The following CNTNAP2 variants were observed in gnomAD, a reference collection of about 807,000 sequenced individuals.
The protein encoded by CNTNAP2 is contactin associated protein 2, also known as contactin-associated protein-like 2.
In CNTNAP2, 98 loss-of-function variants were observed where a neutral mutation model predicts 155.2. The observed-to-expected ratio is 0.63, with a 90% confidence interval of 0.54 to 0.75. CNTNAP2 has a LOEUF of 0.75. CNTNAP2 is among the 30% of genes least tolerant of loss of function. The pLI, the probability that CNTNAP2 is intolerant of heterozygous loss-of-function variation, is 0.00. For missense variants in CNTNAP2, 1,727 were observed against 1,688.1 expected, an observed-to-expected ratio of 1.02 and a Z score of -0.40; for synonymous variants, 651 against 631.2, an observed-to-expected ratio of 1.03 and a Z score of -0.47.
intron 1 of CNTNAP2, among the ~76,000 whole-genome samples, chr7:146,436,359 T>C (rs1458738124): frequency 6.6e-6 from 1 of 152,190 alleles, no homozygotes; most frequent in Non-Finnish European, 1.5e-5. Context: ...TGGCTATATA[T>C]GTTGCAGTGG....
intron 9 of CNTNAP2, among the ~76,000 whole-genome samples, chr7:147,373,193 G>T (rs947406090): frequency 3.9e-5 from 6 of 151,958 alleles, no homozygotes; most frequent in Non-Finnish European, 8.8e-5. Flanking sequence ...ATTTAGAGGG[G>T]CCTCACTGAG....
chr7:148,308,153 T>C (rs1488266242), intron 21 of CNTNAP2, among the ~76,000 whole-genome samples: 1 of 152,198 alleles, frequency 6.6e-6, no homozygotes, highest in East Asian at 1.9e-4. Flanking sequence ...GTTTTAATAC[T>C]AGGTTTTTCC....
chr7:146,488,908 C>T (rs1797098614), intron 1 of CNTNAP2, among the ~76,000 whole-genome samples: 1 of 152,180 alleles, frequency 6.6e-6, no homozygotes, highest in African/African-American at 2.4e-5. Flanking sequence ...GTGTGGGCCA[C>T]CACGCTAGGG....
chr7:148,280,897 C>A (rs538649036), intron 21 of CNTNAP2, among the ~76,000 whole-genome samples: 95 of 148,052 alleles, frequency 6.4e-4, no homozygotes, highest in African/African-American at 2.3e-3. Flanking sequence ...CCAGCCTGGG[C>A]AACAGAGGGA....
At chr7:147,402,528 C>A (rs1402001803) in intron 10 of CNTNAP2, among the ~76,000 whole-genome samples, 1 of 152,134 alleles carries the variant, frequency 6.6e-6, no homozygotes, top group African/African-American at 2.4e-5. Flanking sequence ...CTGGAGAAAC[C>A]CCTCAGTTCT....
chr7:147,402,135 C>T (rs826660), intron 10 of CNTNAP2, among the ~76,000 whole-genome samples: 19,454 of 152,172 alleles, frequency 0.13, 1,512 homozygotes, highest in East Asian at 0.32. Context: ...TCCTCCTTTC[C>T]GTGTATATTC....
intron 1 of CNTNAP2, among the ~76,000 whole-genome samples, chr7:146,610,794 G>T (rs986700751): frequency 8.5e-5 from 13 of 152,150 alleles, no homozygotes; most frequent in African/African-American, 2.9e-4. Context: ...ACTTTAACAC[G>T]TAAACCTATC....
In CNTNAP2 at chr7:146,490,730, T is replaced by TTTAAA. The variant is rs1388895494; in HGVS notation, c.98-283537_98-283533dup. Among the ~76,000 whole-genome samples, 13 of 152,332 alleles carry TTTAAA rather than the reference T, an allele frequency of 8.5e-5. No individual in the cohort carries two copies. The East Asian group carries it at 2.3e-3, about 27-fold the overall frequency. On this transcript the variant is annotated intron_variant, in intron 1 of 23. Coordinates refer to ENST00000361727, the MANE Select transcript of CNTNAP2 (RefSeq NM_014141.6). ...ATAAGTTCATATTTTTAGAGTTCTC[T>TTTAAA]TTAAATTATCTTTAAATTCCCAAAG...
At chr7:147,923,340 G>A (rs1270687255) in intron 14 of CNTNAP2, among the ~76,000 whole-genome samples, 1 of 152,066 alleles carries the variant, frequency 6.6e-6, no homozygotes, top group Non-Finnish European at 1.5e-5. Flanking sequence ...CACATGGAGA[G>A]GAGAATGCCA....
At position 148,358,592 on chromosome 7, in the gene CNTNAP2, T is replaced by C. The variant is rs536866028; in HGVS notation, c.3476-25057T>C. On this transcript the variant is annotated intron_variant, in intron 21 of 23. Coordinates refer to ENST00000361727, the MANE Select transcript of CNTNAP2 (RefSeq NM_014141.6). ...CACCTGTAGAAACCGCAATTAGGGG[T>C]CCTATGCTTTTGTTTAACTTTCTGG... Among the ~76,000 whole-genome samples the C allele has an allele frequency of 5.9e-5, 9 of 152,172 alleles. No individual in the cohort carries two copies. The East Asian group carries it at 1.5e-3, about 26-fold the overall frequency.
chr7:147,511,876 C>T (rs993041239), intron 11 of CNTNAP2, among the ~76,000 whole-genome samples: 4 of 152,094 alleles, frequency 2.6e-5, no homozygotes, highest in Non-Finnish European at 5.9e-5. Flanking sequence ...AAAGAAAATG[C>T]CTTCAAAGTG....
chr7:146,518,410 G>A (rs560149648), intron 1 of CNTNAP2, among the ~76,000 whole-genome samples: 4 of 151,842 alleles, frequency 2.6e-5, no homozygotes, highest in South Asian at 2.1e-4. Context: ...AAAAAGTTAC[G>A]CATCCAGTAA....
intron 4 of CNTNAP2, among the ~76,000 whole-genome samples, chr7:147,099,529 T>G (rs890392470): frequency 6.6e-6 from 1 of 152,134 alleles, no homozygotes; most frequent in African/African-American, 2.4e-5. Flanking sequence ...ATTGATTTTT[T>G]CCTCAATATT....
intron 10 of CNTNAP2, among the ~76,000 whole-genome samples, chr7:147,485,533 C>T (rs188481456): frequency 3.3e-5 from 5 of 152,116 alleles, no homozygotes; most frequent in Non-Finnish European, 7.3e-5. Context: ...GATGATACCC[C>T]TCTTTACGTC....
At chr7:146,202,836 A>G (rs1366692237) in intron 1 of CNTNAP2, among the ~76,000 whole-genome samples, 1 of 152,172 alleles carries the variant, frequency 6.6e-6, no homozygotes, top group Non-Finnish European at 1.5e-5. Flanking sequence ...TTACATCAAA[A>G]TATTGACAAC....
chr7:146,783,813 T>G (rs1802529972), intron 2 of CNTNAP2, among the ~76,000 whole-genome samples: 1 of 152,218 alleles, frequency 6.6e-6, no homozygotes, highest in Non-Finnish European at 1.5e-5. Flanking sequence ...GGACAGATCT[T>G]GTGCTCTGGG....
intron 20 of CNTNAP2, among the ~76,000 whole-genome samples, chr7:148,242,211 G>C (rs1390737322): frequency 6.6e-6 from 1 of 152,182 alleles, no homozygotes; most frequent in African/African-American, 2.4e-5. Flanking sequence ...TGTAACTCTT[G>C]GAGCAAATTT....
chr7:147,463,925 C>T (rs1298109153), intron 10 of CNTNAP2, among the ~76,000 whole-genome samples: 2 of 110,890 alleles, frequency 1.8e-5, no homozygotes, highest in African/African-American at 7.4e-5. Flanking sequence ...TAAAAATCTG[C>T]ATAAACACAG....
intron 21 of CNTNAP2, among the ~76,000 whole-genome samples, chr7:148,268,229 C>T (rs1796709652): frequency 1.3e-5 from 2 of 152,066 alleles, no homozygotes; most frequent in Non-Finnish European, 2.9e-5. Context: ...TGGTGATGTA[C>T]AGGTGGGAGG....
Sources: gnomAD v4.1 joint callset for allele counts (sites outside exome capture counted in the v4.1 genomes callset) on GRCh38, gnomAD v4.1.1 for gene constraint, MANE v1.5 for transcripts, NCBI Gene and HGNC (gene_info 2026-07-23, HGNC 2026-07-21) for gene names.